PRKCA: variants seen among roughly 807,000 people sequenced by gnomAD.
PRKCA encodes the protein protein kinase C alpha type.
In PRKCA, 27 loss-of-function variants were observed where a neutral mutation model predicts 87.0. The observed-to-expected ratio is 0.31, with a 90% CI of 0.23 to 0.43. The LOEUF is 0.43. Ranked by LOEUF, PRKCA falls within the 20% of genes least tolerant of loss-of-function variation. The probability of loss-of-function intolerance (pLI) is 1.00; values close to 1 mark genes in which losing one functional copy is unlikely to be tolerated. For synonymous variants in PRKCA, 329 were observed against 311.1 expected, an observed-to-expected ratio of 1.06 and a Z score of -0.61; for missense variants, 518 against 852.3, an observed-to-expected ratio of 0.61 and a Z score of 4.88.
chr17:66,561,982 G>A (rs752486012), intron 3 of PRKCA, among the ~76,000 whole-genome samples: 3 of 150,028 alleles, frequency 2.0e-5, no homozygotes, highest in Admixed American at 6.7e-5. Flanking sequence ...TTGCAGAATA[G>A]TGTGAATGTA....
chr17:66,522,512 TG>T (rs949208177), intron 3 of PRKCA, among the ~76,000 whole-genome samples: 2 of 152,054 alleles, frequency 1.3e-5, no homozygotes, highest in Non-Finnish European at 2.9e-5. Flanking sequence ...TGGAAGCTCC[TG>T]TTTGTGATCT....
intron 8 of PRKCA, among the ~76,000 whole-genome samples, chr17:66,716,481 T>A (rs1242716462): frequency 6.6e-6 from 1 of 151,974 alleles, no homozygotes; most frequent in Non-Finnish European, 1.5e-5. Flanking sequence ...TTGTTGCAGA[T>A]GGAAAAACTT....
chr17:66,303,571 A>G (rs968156895), intron 1 of PRKCA, among the ~76,000 whole-genome samples: 2 of 151,928 alleles, frequency 1.3e-5, no homozygotes, highest in Non-Finnish European at 2.9e-5. Flanking sequence ...TGCCTACTGT[A>G]GGCTGCATCT....
At chr17:66,492,759 T>C (rs558742883) in intron 2 of PRKCA, among the ~76,000 whole-genome samples, 1 of 152,250 alleles carries the variant, frequency 6.6e-6, no homozygotes. Context: ...TTCGAGAGTT[T>C]TGCAATCAAG....
At chr17:66,503,945 T>G (rs1916861527) in intron 3 of PRKCA, among the ~76,000 whole-genome samples, 1 of 152,186 alleles carries the variant, frequency 6.6e-6, no homozygotes, top group South Asian at 2.1e-4. Flanking sequence ...ACTGACACGG[T>G]AAAGTTAGAT....
At chr17:66,731,450 G>A (rs1973888350) in intron 8 of PRKCA, among the ~76,000 whole-genome samples, 1 of 151,942 alleles carries the variant, frequency 6.6e-6, no homozygotes, top group African/African-American at 2.4e-5. Flanking sequence ...CAGGGTCCTG[G>A]ACCTGTCAGC....
intron 2 of PRKCA, among the ~76,000 whole-genome samples, chr17:66,353,543 C>T (rs982102905): frequency 1.3e-5 from 2 of 152,132 alleles, no homozygotes; most frequent in Non-Finnish European, 2.9e-5. Context: ...TGGTGAAACC[C>T]CGTCTCTACT....
chr17:66,482,654 A>G (rs1194458095), intron 2 of PRKCA, among the ~76,000 whole-genome samples: 1 of 152,224 alleles, frequency 6.6e-6, no homozygotes, highest in Admixed American at 6.5e-5. Context: ...GCCAGCAAGC[A>G]TCACTTGTAT....
chr17:66,350,928 A>G (rs1420658329), intron 2 of PRKCA, among the ~76,000 whole-genome samples: 1 of 152,070 alleles, frequency 6.6e-6, no homozygotes, highest in Non-Finnish European at 1.5e-5. Context: ...CTCCCTTTCA[A>G]TGTGTGGAAC....
At chr17:66,746,031 C>T (rs1368822521) in intron 13 of PRKCA, among the ~76,000 whole-genome samples, 1 of 151,972 alleles carries the variant, frequency 6.6e-6, no homozygotes. Flanking sequence ...TAAGAAGTGA[C>T]ATCATACTGA....
At chr17:66,735,735 C>T (rs1974007671) in intron 10 of PRKCA, 73 bp downstream of exon 10, 1 of 1,511,110 alleles carries the variant, frequency 6.6e-7, no homozygotes, top group South Asian at 1.3e-5. Flanking sequence ...AGCTTCTTAG[C>T]ATCCTTGTTC....
chr17:66,632,621 C>A (rs944528797), intron 3 of PRKCA, among the ~76,000 whole-genome samples: 2 of 152,090 alleles, frequency 1.3e-5, no homozygotes, highest in Admixed American at 6.5e-5. Flanking sequence ...CTCAAACGAT[C>A]CTCCCAAAGT....
intron 5 of PRKCA, among the ~76,000 whole-genome samples, chr17:66,656,157 C>T: frequency 6.6e-6 from 1 of 152,214 alleles, no homozygotes; most frequent in Non-Finnish European, 1.5e-5. Flanking sequence ...AGTGTCATTT[C>T]CTTCATGCAG....
chr17:66,482,098 C>CAA (rs58719328), intron 2 of PRKCA, among the ~76,000 whole-genome samples: 24,298 of 88,958 alleles, frequency 0.27, 3,123 homozygotes, highest in Non-Finnish European at 0.34. Flanking sequence ...AAGACTGTCT[C>CAA]AAAAAAAAAA....
intron 3 of PRKCA, among the ~76,000 whole-genome samples, chr17:66,524,502 C>T (rs778021557): frequency 5.3e-5 from 8 of 152,184 alleles, no homozygotes; most frequent in Non-Finnish European, 7.3e-5. Flanking sequence ...CTTGAGATGA[C>T]CCATATGTAC....
intron 2 of PRKCA, among the ~76,000 whole-genome samples, chr17:66,425,223 G>A (rs551597122): frequency 2.6e-5 from 4 of 152,088 alleles, no homozygotes; most frequent in Non-Finnish European, 5.9e-5. Flanking sequence ...TTTTCTTTTC[G>A]TGATTAATTC....
chr17:66,612,699 T>C (rs560837730), intron 3 of PRKCA, among the ~76,000 whole-genome samples: 1 of 151,874 alleles, frequency 6.6e-6, no homozygotes, highest in East Asian at 1.9e-4. Flanking sequence ...ATATGTGCAA[T>C]TGAGAATATT....
Position 66,807,730 on chromosome 17 carries a change from C to T in PRKCA, c.*3693C>T, listed in dbSNP as rs537347895. ...CAACAAATGATTGTTGAGCACCTCTCGGAGCCAAAGTCCTTAGGCGAGTGT... is the reference window on the plus strand; with the variant it reads ...CAACAAATGATTGTTGAGCACCTCTTGGAGCCAAAGTCCTTAGGCGAGTGT... On this transcript the variant is annotated 3_prime_UTR_variant, in exon 17 of 17. Coordinates refer to ENST00000413366, the MANE Select transcript of PRKCA (RefSeq NM_002737.3). The surrounding 1 kb of genome is among the most constrained non-coding windows in gnomAD (Gnocchi z 4.3). 3 of 152,308 alleles carry T rather than the reference C, an allele frequency of 2.0e-5. No homozygotes were observed. Among genetic ancestry groups the T allele is most frequent in the Middle Eastern group, 3.4e-3 (1 of 296 alleles). 9.4% of individuals were successfully genotyped at this position (152,308 alleles called of 1,614,324 possible). A position where few individuals can be genotyped will look rare whatever the true frequency, so the allele number is the denominator to read the frequency against.
chr17:66,420,002 C>CTTTTT (rs558522698), intron 2 of PRKCA, among the ~76,000 whole-genome samples: 7 of 113,716 alleles, frequency 6.2e-5, no homozygotes, highest in African/African-American at 2.2e-4. Context: ...GGGTTGTGTT[C>CTTTTT]TTTTTTTTTT....
Sources: allele counts gnomAD v4.1 joint callset (sites outside exome capture counted in the v4.1 genomes callset), GRCh38; gene constraint gnomAD v4.1.1; non-coding constraint Gnocchi (gnomAD v3.1); transcripts MANE v1.5; gene names NCBI Gene and HGNC (gene_info 2026-07-23, HGNC 2026-07-21).